The following CLHC1 variants were observed in gnomAD, a reference collection of about 807,000 sequenced individuals.
The protein encoded by CLHC1 is clathrin heavy chain linker domain containing 1.
A neutral mutation model predicts 69.5 loss-of-function variants in CLHC1; 72 were observed. That is an observed-to-expected ratio of 1.04 (90% CI 0.86 to 1.26). CLHC1 has a LOEUF of 1.26. CLHC1 is among the 50% of genes most tolerant of loss of function. The probability of loss-of-function intolerance (pLI) is 0.00; values close to 1 mark genes in which losing one functional copy is unlikely to be tolerated. For synonymous variants in CLHC1, 223 were observed against 224.3 expected, an observed-to-expected ratio of 0.99 and a Z score of 0.05; for missense variants, 790 against 679.3, an observed-to-expected ratio of 1.16 and a Z score of -1.81.
chr2:55,227,244 T>G (rs1397870327), intron 2 of CLHC1, among the ~76,000 whole-genome samples: 16 of 152,194 alleles, frequency 1.1e-4, no homozygotes, highest in African/African-American at 2.4e-4. Flanking sequence ...TATTCATTCA[T>G]TCAGTCAGTA....
chr2:55,181,595 C>G lies in CLHC1; in HGVS notation c.1156G>C (p.Val386Leu). 1.2e-6 allele frequency: 2 copies of G among 1,611,120 alleles called. No homozygotes were observed. Among genetic ancestry groups the G allele is most frequent in the Non-Finnish European group, 1.7e-6 (2 of 1,179,302 alleles). Residue 386 changes from valine (V) to leucine (L), a missense_variant, in exon 10 of 13, where the codon GTT becomes CTT. Physicochemically the swap from Val to Leu is conservative, Grantham distance 32. Transcript: ENST00000401408. ...CTTTCCTGTGTAACCCAATTGGTAA[C>G]TAAATCTAACCGTTTTTCTGATAAT... ...CGLSEKRLDL[V>L]TNWVTQERLT...
chr2:55,213,694 G>A (rs1332008281), intron 4 of CLHC1, among the ~76,000 whole-genome samples: 1 of 152,198 alleles, frequency 6.6e-6, no homozygotes, highest in Non-Finnish European at 1.5e-5. Flanking sequence ...TCCTAGTTAT[G>A]TTGGCCCAAG....
At chr2:55,199,997 G>A (rs1671784550) in intron 9 of CLHC1, among the ~76,000 whole-genome samples, 1 of 152,084 alleles carries the variant, frequency 6.6e-6, no homozygotes, top group South Asian at 2.1e-4. Flanking sequence ...GCCAAGGCAG[G>A]AGGATTACCT....
chr2:55,209,689 C>A lies in CLHC1; in HGVS notation c.642G>T (p.Met214Ile), dbSNP rs761848300. 10 of 1,614,092 alleles carry A rather than the reference C, an allele frequency of 6.2e-6. No homozygotes were observed. In the South Asian group the frequency reaches 1.1e-4, roughly 18 times the overall value. The change falls in exon 6 of 13, where the codon ATG becomes ATT. Residue 214 changes from methionine to isoleucine, a missense_variant. Physicochemically the swap from Met to Ile is conservative, Grantham distance 10 (BLOSUM62 1). Coordinates refer to ENST00000401408, the MANE Select transcript of CLHC1 (RefSeq NM_152385.4). Reference protein sequence around the residue: ...AQRKADLDEEMIVLLKRRDVA... With the variant: ...AQRKADLDEEIIVLLKRRDVA... ...CATCTCGCCGTTTTAATAACACAAT[C>A]ATTTCTTCATCTAAATCAGCCTTCC...
intron 1 of CLHC1, chr2:55,231,816 T>G (rs1342382573): frequency 6.6e-6 from 1 of 152,180 alleles, no homozygotes; most frequent in East Asian, 1.9e-4. Flanking sequence ...TCTGCAGGTT[T>G]CTTTTCCGTA....
intron 11 of CLHC1, among the ~76,000 whole-genome samples, chr2:55,178,058 A>C (rs529492887): frequency 6.6e-6 from 1 of 152,242 alleles, no homozygotes; most frequent in African/African-American, 2.4e-5. Context: ...TATAATAAAA[A>C]TACAGATTGG....
chr2:55,211,988 C>G (rs984817184), intron 5 of CLHC1, among the ~76,000 whole-genome samples: 1 of 152,148 alleles, frequency 6.6e-6, no homozygotes, highest in Admixed American at 6.6e-5. Flanking sequence ...TCAAAAAAAC[C>G]TGAAGCGGCT....
intron 5 of CLHC1, among the ~76,000 whole-genome samples, chr2:55,212,055 T>C (rs917726853): frequency 2.6e-5 from 4 of 152,074 alleles, no homozygotes; most frequent in African/African-American, 9.7e-5. Flanking sequence ...GGCGGGTGGA[T>C]CGCTTGAGCC....
At chr2:55,220,169 GT>G (rs1673975498) in intron 3 of CLHC1, among the ~76,000 whole-genome samples, 2 of 152,096 alleles carry the variant, frequency 1.3e-5, no homozygotes, top group Admixed American at 1.3e-4. Flanking sequence ...TTTGATTCAG[GT>G]ATGATTCTCC....
intron 11 of CLHC1, among the ~76,000 whole-genome samples, chr2:55,178,449 T>C (rs778169765): frequency 1.2e-4 from 19 of 152,234 alleles, no homozygotes; most frequent in Non-Finnish European, 1.6e-4. Flanking sequence ...TAGTTAACCA[T>C]TGAGGTAATC....
chr2:55,196,903 C>A (rs1451204301), intron 9 of CLHC1, among the ~76,000 whole-genome samples: 1 of 152,198 alleles, frequency 6.6e-6, no homozygotes, highest in Non-Finnish European at 1.5e-5. Context: ...TTGGGGTCCC[C>A]AATTCCAGCA....
chr2:55,217,099 G>A (rs1207550622), intron 4 of CLHC1, among the ~76,000 whole-genome samples: 1 of 152,134 alleles, frequency 6.6e-6, no homozygotes, highest in Non-Finnish European at 1.5e-5. Flanking sequence ...GGAGGCTGAG[G>A]TGGGAGGATC....
At position 55,177,582 on chromosome 2, in the gene CLHC1, C is replaced by A; in HGVS notation, c.1564+20G>T. 1 of 1,545,364 alleles carries A rather than the reference C, an allele frequency of 6.5e-7. No homozygotes were observed. Among genetic ancestry groups the A allele is most frequent in the South Asian group, 1.2e-5 (1 of 82,480 alleles). On this transcript the variant is annotated intron_variant, in intron 12 of 12. Transcript: ENST00000401408. ...AGATAACCCACTACTATTTCTCCCA[C>A]AACATTTTATTCTACTTACCTATCC... is the stretch of plus-strand genomic sequence containing the variant.
chr2:55,172,977 T>A lies in CLHC1; in HGVS notation c.*2813A>T, dbSNP rs1313388329. Among the ~76,000 whole-genome samples the A allele has an allele frequency of 6.6e-6, 1 of 152,194 alleles. No individual in the cohort carries two copies. Among genetic ancestry groups the A allele is most frequent in the Non-Finnish European group, 1.5e-5 (1 of 68,024 alleles). On this transcript the variant is annotated 3_prime_UTR_variant, in exon 13 of 13. Coordinates refer to ENST00000401408, the MANE Select transcript of CLHC1 (RefSeq NM_152385.4). ...ATTCATTTTGATACATGCTTGACTA[T>A]AATAAACAAAAATGTAACTAGTTAC...
At position 55,222,230 on chromosome 2, in the gene CLHC1, G is replaced by T; in HGVS notation, c.177+5C>A. ...AACTTAATTGTCTTAAAAGCTTTATGATACCTTATCAAAAACATTTCGGTA... is the reference window on the plus strand; with the variant it reads ...AACTTAATTGTCTTAAAAGCTTTATTATACCTTATCAAAAACATTTCGGTA... On this transcript the variant is annotated splice_donor_5th_base_variant and intron_variant, in intron 3 of 12. Coordinates refer to ENST00000401408, the MANE Select transcript of CLHC1 (RefSeq NM_152385.4). The T allele has an allele frequency of 6.2e-7, 1 of 1,604,122 alleles. No homozygotes were observed. Among genetic ancestry groups the T allele is most frequent in the South Asian group, 1.1e-5 (1 of 90,644 alleles).
rs769749936 is a variant in CLHC1 at position 55,212,748 on chromosome 2, G to A, written c.424C>T (p.Gln142Ter). 6.3e-7 allele frequency: 1 copy of A among 1,596,470 alleles called. No homozygotes were observed. The highest frequency in any genetic ancestry group is 2.2e-5 in the East Asian group (1 of 44,736). The change falls in exon 5 of 13, where the codon CAG becomes TAG. Residue 142 changes from glutamine to a stop codon, truncating the protein, a stop_gained. Transcript: ENST00000401408. LOFTEE classifies it high-confidence loss of function. ...KIQSQIDHIK[Q>*]CRAEYDTKEV... is the part of the protein sequence containing the mutation. The stretch of plus-strand genomic sequence containing the variant: ...TTTGTGTCATACTCTGCCCTACACT[G>A]CTTGATGTGATCTATTTGAGATTGA...
chr2:55,214,070 C>G (rs1006338561), intron 4 of CLHC1, among the ~76,000 whole-genome samples: 3 of 152,100 alleles, frequency 2.0e-5, no homozygotes, highest in African/African-American at 7.2e-5. Context: ...TCACAGGATT[C>G]TTGCTAAAAC....
At chr2:55,217,544 AAAAAAAAAATATATATATATATAT>A (rs1249232101) in intron 4 of CLHC1, among the ~76,000 whole-genome samples, 8 of 83,028 alleles carry the variant, frequency 9.6e-5, no homozygotes, top group Non-Finnish European at 2.2e-5. Context: ...AAAAAAAAAA[AAAAAAAAAATATATATATATATAT>A]ATATATATAT....
chr2:55,218,026 A>G, intron 3 of CLHC1, 28 bp from the exon 4 acceptor site: 2 of 1,275,238 alleles, frequency 1.6e-6, no homozygotes, highest in Non-Finnish European at 2.1e-6. Flanking sequence ...TGCCTATGGT[A>G]TTGATTTTTT....
Sources: gnomAD v4.1 joint callset for allele counts (sites outside exome capture counted in the v4.1 genomes callset) on GRCh38, gnomAD v4.1.1 for gene constraint, MANE v1.5 for transcripts, NCBI Gene and HGNC (gene_info 2026-07-23, HGNC 2026-07-21) for gene names.